Variants in IL1R1 observed in about 807,000 individuals in gnomAD.
IL1R1 encodes the protein interleukin-1 receptor type 1.
Under a neutral mutation model 50.2 loss-of-function variants are expected in IL1R1, and 22 were observed. The observed-to-expected ratio is 0.44, with a 90% CI of 0.31 to 0.63. The LOEUF (loss-of-function observed/expected upper bound fraction) is 0.63. IL1R1 is among the 20% of genes least tolerant of loss of function. The probability of loss-of-function intolerance (pLI) is 0.07; values close to 1 mark genes in which losing one functional copy is unlikely to be tolerated. For synonymous variants in IL1R1, 251 were observed against 236.7 expected (o/e 1.06, Z -0.55); for missense variants, 509 against 676.2 (o/e 0.75, Z 2.74).
At position 102,175,652 on chromosome 2, in the gene IL1R1, G is replaced by A. The variant is rs764638871; in HGVS notation, c.1303+7G>A. On this transcript the variant is annotated splice_region_variant and intron_variant, in intron 11 of 11. Transcript: ENST00000410023. Reference sequence around the variant, plus strand: ...GATGACTACGTTGGGGAAGGTATGTGTGTAATGGAACAGAGTAAAGGCTTA... The same window carrying A: ...GATGACTACGTTGGGGAAGGTATGTATGTAATGGAACAGAGTAAAGGCTTA... 1 of 1,612,766 alleles carries A rather than the reference G, an allele frequency of 6.2e-7. No individual in the cohort carries two copies. The highest frequency in any genetic ancestry group is 8.5e-7 in the Non-Finnish European group (1 of 1,178,786).
At position 102,176,939 on chromosome 2, in the gene IL1R1, C is replaced by T; in HGVS notation, c.*180C>T. 1.6e-6 allele frequency: 1 copy of T among 630,380 alleles called. No homozygotes were observed. Among genetic ancestry groups the T allele is most frequent in the Admixed American group, 3.0e-5 (1 of 33,742 alleles). The allele number at this position is 630,380 out of a possible 1,614,324, so 39.0% of individuals were successfully genotyped here. On this transcript the variant is annotated 3_prime_UTR_variant, in exon 12 of 12. Transcript: ENST00000410023. ...CCATGACGTCAATAGCAGCCCAGGG[C>T]ACTTCAGAGTAGAGGGCTTGGGAAG...
At chr2:102,086,454 T>C (rs1307714880) in intron 1 of IL1R1, among the ~76,000 whole-genome samples, 1 of 152,226 alleles carries the variant, frequency 6.6e-6, no homozygotes, top group African/African-American at 2.4e-5. Flanking sequence ...ATTGAGCTTG[T>C]TGAATATGTA....
rs112657383 is a variant in IL1R1, at chr2:102,111,063, A to G, written c.-84+6191A>G. Among the ~76,000 whole-genome samples, 294 of 151,770 alleles carry G rather than the reference A, an allele frequency of 1.9e-3. 1 individual carries two copies. The highest frequency in any genetic ancestry group is 3.4e-3 in the Non-Finnish European group (228 of 67,986). ...CAGAAAGCAGCTCTATGTATGGCCA[A>G]TGAAGAGAGTGGAAGGGAGGCCAAG... is the stretch of plus-strand genomic sequence containing the variant. On this transcript the variant is annotated intron_variant, in intron 1 of 10. Coordinates refer to the IL1R1 transcript ENST00000409329.
chr2:102,086,952 T>C (rs1348218075), intron 1 of IL1R1, among the ~76,000 whole-genome samples: 1 of 152,170 alleles, frequency 6.6e-6, no homozygotes, highest in Non-Finnish European at 1.5e-5. Context: ...ACATTAAATA[T>C]ATTATAGGTG....
intron 8 of IL1R1, 69 bp from the exon 9 acceptor site, chr2:102,172,618 G>GT: frequency 7.4e-7 from 1 of 1,354,836 alleles, no homozygotes; most frequent in Non-Finnish European, 1.0e-6. Flanking sequence ...AATACACAGG[G>GT]TATACAGGTC....
chr2:102,076,133 A>G lies in IL1R1; in HGVS notation c.-84+5600A>G, dbSNP rs759665030. On this transcript the variant is annotated intron_variant, in intron 1 of 11. Transcript: ENST00000409929. The stretch of plus-strand genomic sequence containing the variant: ...TTGAAATGTTTTAATTAATAAAAAT[A>G]TCTTACTTATGTACCCATGTAGTTA... Among the ~76,000 whole-genome samples the G allele has an allele frequency of 1.6e-3, 239 of 151,636 alleles. 1 individual carries two copies. Among genetic ancestry groups the G allele is most frequent in the Non-Finnish European group, 2.7e-3 (186 of 67,932 alleles).
At chr2:102,172,460 A>T in intron 8 of IL1R1, 1 of 978,468 alleles carries the variant, frequency 1.0e-6, no homozygotes, top group Non-Finnish European at 1.2e-6. Context: ...GGAAGTGGTA[A>T]TTTTTTTGCT....
chr2:102,176,148 C>G, intron 11 of IL1R1: 1 of 536,750 alleles, frequency 1.9e-6, no homozygotes, highest in Non-Finnish European at 3.3e-6. Context: ...GATCACGCCA[C>G]TGCGCTCCAG....
intron 1 of IL1R1, among the ~76,000 whole-genome samples, chr2:102,121,066 T>C (rs1255078349): frequency 6.6e-6 from 1 of 152,146 alleles, no homozygotes; most frequent in African/African-American, 2.4e-5. Flanking sequence ...GTTTCCCTCT[T>C]AGGCTGTCAT....
rs115462680 is a variant in IL1R1, at chr2:102,088,322, A to G, written c.-84+17789A>G. On this transcript the variant is annotated intron_variant, in intron 1 of 11. Transcript: ENST00000409929. ...CTCTTGATCCAATGGAAATTGTGTTAGCAGGCATGAAAAAACATTAATCTC... is the reference window on the plus strand; with the variant it reads ...CTCTTGATCCAATGGAAATTGTGTTGGCAGGCATGAAAAAACATTAATCTC... Among the ~76,000 whole-genome samples, 465 of 152,348 alleles carry G rather than the reference A, an allele frequency of 3.1e-3. 2 individuals are homozygous for G. Among genetic ancestry groups the G allele is most frequent in the African/African-American group, 0.011 (437 of 41,588 alleles).
intron 1 of IL1R1, among the ~76,000 whole-genome samples, chr2:102,074,780 G>A (rs941633991): frequency 3.3e-5 from 5 of 152,186 alleles, no homozygotes; most frequent in African/African-American, 1.2e-4. Context: ...AATACAGGAA[G>A]GGATTTTGCT....
rs13387388 is a variant in IL1R1, at chr2:102,146,085, C to A, written c.-84+3065C>A. Among the ~76,000 whole-genome samples, 1,081 of 151,844 alleles carry A rather than the reference C, an allele frequency of 7.1e-3. 14 individuals carry two copies. The highest frequency in any genetic ancestry group is 0.023 in the African/African-American group (970 of 41,388). On this transcript the variant is annotated intron_variant, in intron 1 of 11. Transcript: ENST00000410023. Reference sequence around the variant, plus strand: ...TCGGTGGTCTCTTGAAATGACCCTCCCTGTAAGCACAGTTCGGTAATCATG... The same window carrying A: ...TCGGTGGTCTCTTGAAATGACCCTCACTGTAAGCACAGTTCGGTAATCATG...
chr2:102,151,629 G>A (rs984156542), intron 1 of IL1R1, among the ~76,000 whole-genome samples: 2 of 152,226 alleles, frequency 1.3e-5, no homozygotes, highest in Non-Finnish European at 2.9e-5. Flanking sequence ...TGTTACCAGA[G>A]CCAGGGGGCC....
intron 1 of IL1R1, among the ~76,000 whole-genome samples, chr2:102,095,300 A>G (rs1274903453): frequency 6.6e-6 from 1 of 152,238 alleles, no homozygotes; most frequent in Admixed American, 6.5e-5. Context: ...ATGATAAAGA[A>G]TGCAGGAAAG....
intron 1 of IL1R1, among the ~76,000 whole-genome samples, chr2:102,128,833 G>A (rs1273730419): frequency 1.3e-5 from 2 of 152,130 alleles, no homozygotes; most frequent in Non-Finnish European, 2.9e-5. Context: ...GTTGGATCCC[G>A]GTTCAGTTAT....
In IL1R1 at chr2:102,135,658, G is replaced by A. The variant is rs144432557; in HGVS notation, c.-83-18283G>A. Among the ~76,000 whole-genome samples, 421 of 152,224 alleles carry A rather than the reference G, an allele frequency of 2.8e-3. 3 individuals carry two copies. The highest frequency in any genetic ancestry group is 9.7e-3 in the African/African-American group (401 of 41,534). On this transcript the variant is annotated intron_variant, in intron 1 of 10. Transcript: ENST00000409329. ...TCTTGCTCGAGTACGGATTTAAAACGACCAGATTGTCCATTTTGGATGAAG... is the reference window on the plus strand; with the variant it reads ...TCTTGCTCGAGTACGGATTTAAAACAACCAGATTGTCCATTTTGGATGAAG...
At chr2:102,106,320 G>A (rs1338821892) in intron 1 of IL1R1, among the ~76,000 whole-genome samples, 5 of 152,168 alleles carry the variant, frequency 3.3e-5, no homozygotes, top group African/African-American at 1.2e-4. Context: ...TTAGGAAAAG[G>A]AAGAAGACAA....
chr2:102,125,170 G>C (rs1167383340), intron 1 of IL1R1, among the ~76,000 whole-genome samples: 1 of 152,206 alleles, frequency 6.6e-6, no homozygotes, highest in African/African-American at 2.4e-5. Context: ...AGAGTCCATT[G>C]ATTGTTTAGC....
chr2:102,176,221 T>G, intron 11 of IL1R1, 132 bp from the exon 12 acceptor site: 1 of 706,814 alleles, frequency 1.4e-6, no homozygotes, highest in Non-Finnish European at 2.3e-6. Context: ...GGGAAACTCC[T>G]TTAATTTTAA....
Sources: allele counts gnomAD v4.1 joint callset (sites outside exome capture counted in the v4.1 genomes callset), GRCh38; gene constraint gnomAD v4.1.1; transcripts MANE v1.5; gene names NCBI Gene and HGNC (gene_info 2026-07-23, HGNC 2026-07-21).